The following CTNNB1 variants were observed in gnomAD, a reference collection of about 807,000 sequenced individuals.
CTNNB1 encodes the protein catenin beta 1, also known as catenin beta-1.
A neutral mutation model predicts 82.5 loss-of-function variants in CTNNB1; 6 were observed. The ratio of observed to expected loss-of-function variants is 0.07; its 90% confidence interval spans 0.04 to 0.14. The LOEUF is 0.14. CTNNB1 is among the 10% of genes least tolerant of loss of function. The pLI, the probability that CTNNB1 is intolerant of heterozygous loss-of-function variation, is 1.00. For missense variants in CTNNB1, 529 were observed against 980.4 expected (o/e 0.54, Z 6.15); for synonymous variants, 312 against 329.7 (o/e 0.95, Z 0.58).
At chr3:41,223,935 G>C in intron 1 of CTNNB1, 86 bp from the exon 2 acceptor site, 1 of 988,680 alleles carries the variant, frequency 1.0e-6, no homozygotes, top group Non-Finnish European at 1.6e-6. Flanking sequence ...GGGTGTAATA[G>C]TGACATTTAA....
rs146324531 is a variant in CTNNB1 at position 41,224,516 on chromosome 3, G to C, written c.14-10G>C. 1.2e-6 allele frequency: 2 copies of C among 1,610,666 alleles called. No homozygotes were observed. Among genetic ancestry groups the C allele is most frequent in the African/African-American group, 1.3e-5 (1 of 74,644 alleles). ...AATCTACTAATGCTAATACTGTTTC[G>C]TATTTATAGCTGATTTGATGGAGTT... On this transcript the variant is annotated splice_polypyrimidine_tract_variant and intron_variant, in intron 2 of 14. Transcript: ENST00000349496.
chr3:41,238,091 T>G lies in CTNNB1; in HGVS notation c.2137+15T>G, dbSNP rs2125650686. On this transcript the variant is annotated intron_variant, in intron 14 of 14. Transcript: ENST00000349496. ...TCGCCAGGATGGTATGTGTCTCATATTTCTCGATTAACTCCAGATCAAGCT... is the reference window on the plus strand; with the variant it reads ...TCGCCAGGATGGTATGTGTCTCATAGTTCTCGATTAACTCCAGATCAAGCT... The G allele has an allele frequency of 6.2e-7, 1 of 1,609,504 alleles. No individual in the cohort carries two copies. Among genetic ancestry groups the G allele is most frequent in the Non-Finnish European group, 8.5e-7 (1 of 1,175,754 alleles).
At chr3:41,238,124 TA>T in intron 14 of CTNNB1, 48 bp downstream of exon 14, 1 of 1,546,388 alleles carries the variant, frequency 6.5e-7, no homozygotes, top group South Asian at 1.1e-5. Flanking sequence ...GCTAAAGTTC[TA>T]AAACTTTTAT....
In CTNNB1 at chr3:41,234,145, G is replaced by A; in HGVS notation, c.1531G>A (p.Val511Ile). The change falls in exon 10 of 15, where the codon GTT (valine) becomes ATT (isoleucine). Residue 511 changes from valine to isoleucine, a missense_variant. Val to Ile is a conservative substitution (Grantham distance 29). Coordinates refer to ENST00000349496, the MANE Select transcript of CTNNB1 (RefSeq NM_001904.4). ...PSHWPLIKAT[V>I]GLIRNLALCP... is the part of the protein sequence containing the mutation. ...TCTTCCTTCTGTTTTTCAGGCTACTGTTGGATTGATTCGAAATCTTGCCCT... is the reference window on the plus strand; with the variant it reads ...TCTTCCTTCTGTTTTTCAGGCTACTATTGGATTGATTCGAAATCTTGCCCT... 1 of 1,614,200 alleles carries A rather than the reference G, an allele frequency of 6.2e-7. No individual in the cohort carries two copies. The highest frequency in any genetic ancestry group is 8.5e-7 in the Non-Finnish European group (1 of 1,180,032).
rs77156365 is a variant in CTNNB1, at chr3:41,219,082, A to G, written c.-48-4939A>G. Among the ~76,000 whole-genome samples the G allele has an allele frequency of 4.3e-3, 659 of 152,370 alleles. 41 individuals are homozygous for G. The East Asian group carries it at 0.11, about 26-fold the overall frequency. On this transcript the variant is annotated intron_variant, in intron 1 of 14. Transcript: ENST00000349496. The stretch of plus-strand genomic sequence containing the variant: ...ATTATTTAGAAAATGTGCCTCTGAG[A>G]TAAAGCCTATTCAGGATGTATCTTA...
In CTNNB1 at chr3:41,239,515, T is replaced by A. The variant is rs1234068156; in HGVS notation, c.*173T>A. On this transcript the variant is annotated 3_prime_UTR_variant, in exon 15 of 15. Coordinates refer to ENST00000349496, the MANE Select transcript of CTNNB1 (RefSeq NM_001904.4). ...AAGGAGATGTCTTGGAACATTGGAA[T>A]GTTCTCAGATTTCTGGTTGTTATGT... The A allele has an allele frequency of 1.9e-5, 12 of 639,576 alleles. No individual in the cohort carries two copies. In the East Asian group the frequency reaches 3.0e-4, roughly 16 times the overall value. The allele number at this position is 639,576 out of a possible 1,614,324, so 39.6% of individuals were successfully genotyped here.
At chr3:41,211,932 C>T (rs1425621658) in intron 1 of CTNNB1, among the ~76,000 whole-genome samples, 1 of 152,168 alleles carries the variant, frequency 6.6e-6, no homozygotes, top group African/African-American at 2.4e-5. Flanking sequence ...AACAATAAAT[C>T]GTGTAACTTT....
At chr3:41,211,970 A>G (rs901171561) in intron 1 of CTNNB1, among the ~76,000 whole-genome samples, 1 of 152,200 alleles carries the variant, frequency 6.6e-6, no homozygotes, top group Admixed American at 6.5e-5. Context: ...AGGGCTTACC[A>G]TTTCATTCAG....
At position 41,224,177 on chromosome 3, in the gene CTNNB1, GCTTA is replaced by G. The variant is rs1159442189; in HGVS notation, c.13+100_13+103del. ...GATCCCCCTGCTTTCCTCTCTCCCT[GCTTA>G]CTTGTCAGGCTACCTTTTGCTCCAT... On this transcript the variant is annotated intron_variant, in intron 2 of 14. Coordinates refer to ENST00000349496, the MANE Select transcript of CTNNB1 (RefSeq NM_001904.4). The G allele has an allele frequency of 1.1e-5, 16 of 1,423,154 alleles. 1 individual carries two copies. In the Middle Eastern group the frequency reaches 7.0e-4, roughly 62 times the overall value. 88.2% of individuals were successfully genotyped at this position (1,423,154 alleles called of 1,614,324 possible). A position where few individuals can be genotyped will look rare whatever the true frequency, so the allele number is the denominator to read the frequency against.
In CTNNB1 at chr3:41,224,655, G is replaced by A. The variant is rs2125617707; in HGVS notation, c.143G>A (p.Gly48Asp). ...GATTTAPSLS[G>D]KGNPEEEDVD... ...ACTACCACAGCTCCTTCTCTGAGTG[G>A]TAAAGGCAATCCTGAGGAAGAGGAT... is the stretch of plus-strand genomic sequence containing the variant. Residue 48 changes from glycine to aspartate, a missense_variant, in exon 3 of 15, where the codon GGT (glycine) becomes GAT (aspartate). By Grantham distance (94) the Gly-to-Asp change is moderately conservative. This residue lies in a region of CTNNB1 where 411 missense variants were observed against 776.4 expected (regional missense o/e 0.53). Coordinates refer to ENST00000349496, the MANE Select transcript of CTNNB1 (RefSeq NM_001904.4). 1 of 1,613,966 alleles carries A rather than the reference G, an allele frequency of 6.2e-7. No homozygotes were observed. The highest frequency in any genetic ancestry group is 8.5e-7 in the Non-Finnish European group (1 of 1,179,960).
intron 14 of CTNNB1, chr3:41,238,375 C>CT (rs1422634461): frequency 8.8e-6 from 3 of 339,932 alleles, no homozygotes; most frequent in Non-Finnish European, 1.1e-5. Flanking sequence ...GGCCAGAGGA[C>CT]TCATAATACC....
At chr3:41,200,256 A>C (rs190961774) in intron 1 of CTNNB1, 53 of 152,132 alleles carry the variant, frequency 3.5e-4, no homozygotes, top group African/African-American at 1.3e-3. Flanking sequence ...TGGCTATGTG[A>C]GTTTGAATCG....
In CTNNB1 at chr3:41,236,465, G is replaced by A. The variant is rs1326700230; in HGVS notation, c.1920G>A (p.Leu640=). The A allele has an allele frequency of 6.2e-7, 1 of 1,614,116 alleles. No individual in the cohort carries two copies. Among genetic ancestry groups the A allele is most frequent in the Admixed American group, 1.7e-5 (1 of 60,018 alleles). Residue 640 remains leucine (L), a synonymous_variant, in exon 12 of 15, where the codon CTG becomes CTA. Transcript: ENST00000349496. ...AAGCTGAGGGAGCCACAGCTCCTCTGACAGAGTTACTTCACTCTAGGAATG... is the reference window on the plus strand; with the variant it reads ...AAGCTGAGGGAGCCACAGCTCCTCTAACAGAGTTACTTCACTCTAGGAATG... ...AIEAEGATAP[L]TELLHSRNEG...
chr3:41,209,071 C>G (rs191085369), intron 1 of CTNNB1, among the ~76,000 whole-genome samples: 2 of 152,322 alleles, frequency 1.3e-5, no homozygotes, highest in Non-Finnish European at 2.9e-5. Context: ...GCTACAGTTG[C>G]TTGAAATGCC....
At chr3:41,236,193 G>A (rs2078430986) in intron 11 of CTNNB1, 156 bp from the exon 12 acceptor site, 1 of 935,306 alleles carries the variant, frequency 1.1e-6, no homozygotes, top group Non-Finnish European at 1.7e-6. Flanking sequence ...GTGCTCCAGA[G>A]CATTAAACAC....
intron 1 of CTNNB1, among the ~76,000 whole-genome samples, chr3:41,208,835 T>G (rs995386440): frequency 4.6e-5 from 7 of 152,194 alleles, no homozygotes; most frequent in Non-Finnish European, 1.0e-4. Context: ...TTGTCTCTAC[T>G]GGCTCTTTCC....
At chr3:41,219,343 T>C (rs532908083) in intron 1 of CTNNB1, among the ~76,000 whole-genome samples, 1 of 152,222 alleles carries the variant, frequency 6.6e-6, no homozygotes, top group Non-Finnish European at 1.5e-5. Flanking sequence ...AAATCACACA[T>C]GCAAAGGATG....
chr3:41,212,569 G>A (rs1431009171), intron 1 of CTNNB1, among the ~76,000 whole-genome samples: 1 of 152,098 alleles, frequency 6.6e-6, no homozygotes, highest in Admixed American at 6.5e-5. Context: ...CTTACCTCTA[G>A]CACAGCACTG....
intron 13 of CTNNB1, 56 bp downstream of exon 13, chr3:41,236,765 C>A (rs1575334837): frequency 6.2e-7 from 1 of 1,609,972 alleles, no homozygotes; most frequent in Admixed American, 1.7e-5. Flanking sequence ...GGTATGGCAG[C>A]TTGTTCTTTC....
Sources: allele counts gnomAD v4.1 joint callset (sites outside exome capture counted in the v4.1 genomes callset), GRCh38; gene constraint gnomAD v4.1.1; regional missense constraint gnomAD v4.1.1; transcripts MANE v1.5; gene names NCBI Gene and HGNC (gene_info 2026-07-23, HGNC 2026-07-21).